ZNF827: variants seen among roughly 807,000 people sequenced by gnomAD.
ZNF827 encodes the protein zinc finger protein 827.
Under a neutral mutation model 102.4 loss-of-function variants are expected in ZNF827, and 13 were observed. The ratio of observed to expected loss-of-function variants is 0.13; its 90% CI spans 0.08 to 0.20. The LOEUF is 0.20. Ranked by LOEUF, ZNF827 falls within the 10% of genes least tolerant of loss-of-function variation. The pLI is 1.00. For synonymous variants in ZNF827, 523 were observed against 536.2 expected (o/e 0.98, Z 0.34); for missense variants, 1,103 against 1,344.4 (o/e 0.82, Z 2.81).
At chr4:145,786,545 A>C (rs1738895903) in intron 8 of ZNF827, among the ~76,000 whole-genome samples, 1 of 152,224 alleles carries the variant, frequency 6.6e-6, no homozygotes, top group Non-Finnish European at 1.5e-5. Context: ...GGCATACCTC[A>C]AACTGAAATT....
chr4:145,805,816 G>T (rs1008632570), intron 8 of ZNF827, among the ~76,000 whole-genome samples: 1 of 152,002 alleles, frequency 6.6e-6, no homozygotes, highest in African/African-American at 2.4e-5. Flanking sequence ...TGACGTCAGG[G>T]CCTTGTTGCT....
At chr4:145,882,488 A>G (rs551360473) in intron 4 of ZNF827, among the ~76,000 whole-genome samples, 3 of 152,270 alleles carry the variant, frequency 2.0e-5, no homozygotes, top group East Asian at 1.9e-4. Context: ...TTTCACAATC[A>G]TGCACGTTAA....
At chr4:145,911,490 A>G (rs1377258774) in intron 1 of ZNF827, among the ~76,000 whole-genome samples, 1 of 152,264 alleles carries the variant, frequency 6.6e-6, no homozygotes. Flanking sequence ...ACCAGAAAAC[A>G]GTACTAGACC....
At chr4:145,914,126 T>G (rs1752499776) in intron 1 of ZNF827, among the ~76,000 whole-genome samples, 1 of 151,726 alleles carries the variant, frequency 6.6e-6, no homozygotes. Context: ...GTAATAAACA[T>G]ATTATAGTCA....
intron 2 of ZNF827, among the ~76,000 whole-genome samples, chr4:145,895,525 A>T (rs1750911083): frequency 6.6e-6 from 1 of 152,242 alleles, no homozygotes; most frequent in South Asian, 2.1e-4. Flanking sequence ...AAATGTGGTC[A>T]AATAGCTACA....
chr4:145,814,606 TAACA>T (rs59852029), intron 8 of ZNF827, among the ~76,000 whole-genome samples: 73 of 148,000 alleles, frequency 4.9e-4, no homozygotes, highest in South Asian at 4.4e-4. Context: ...TCTCACCTCC[TAACA>T]AACAAACAAA....
At chr4:145,809,190 G>A (rs939320362) in intron 8 of ZNF827, among the ~76,000 whole-genome samples, 1 of 152,174 alleles carries the variant, frequency 6.6e-6, no homozygotes, top group Non-Finnish European at 1.5e-5. Context: ...AGAGAGAGTT[G>A]GTGTCAAGCA....
intron 8 of ZNF827, among the ~76,000 whole-genome samples, chr4:145,785,301 G>A (rs1014390738): frequency 3.9e-5 from 6 of 152,076 alleles, no homozygotes; most frequent in African/African-American, 1.4e-4. Flanking sequence ...GTTATTCAAG[G>A]GGACATGTCT....
At chr4:145,876,058 C>G (rs560641901) in intron 4 of ZNF827, among the ~76,000 whole-genome samples, 2 of 152,186 alleles carry the variant, frequency 1.3e-5, no homozygotes, top group Admixed American at 1.3e-4. Flanking sequence ...GTTTCTCCCC[C>G]TCTCATAGGA....
chr4:145,936,419 G>A (rs1754173370), intron 1 of ZNF827, among the ~76,000 whole-genome samples: 1 of 151,980 alleles, frequency 6.6e-6, no homozygotes, highest in South Asian at 2.1e-4. Flanking sequence ...CTAGCGGGCA[G>A]GCGAAGAAAG....
intron 8 of ZNF827, among the ~76,000 whole-genome samples, chr4:145,803,270 A>G (rs1741091710): frequency 6.6e-6 from 1 of 152,226 alleles, no homozygotes; most frequent in Admixed American, 6.5e-5. Context: ...AAGGATCTTA[A>G]AAGTCCAAGT....
intron 7 of ZNF827, 148 bp downstream of exon 7, chr4:145,845,808 C>A: frequency 1.4e-6 from 1 of 730,244 alleles, no homozygotes; most frequent in Non-Finnish European, 2.3e-6. Context: ...TTCTACCAAC[C>A]AAGAAATTCT....
intron 1 of ZNF827, among the ~76,000 whole-genome samples, chr4:145,903,651 C>T (rs1455551604): frequency 6.6e-6 from 1 of 152,206 alleles, no homozygotes; most frequent in Non-Finnish European, 1.5e-5. Flanking sequence ...GTGGGAAGCG[C>T]TTCCCTACTT....
At chr4:145,781,793 C>T (rs1352026263) in intron 8 of ZNF827, among the ~76,000 whole-genome samples, 1 of 152,112 alleles carries the variant, frequency 6.6e-6, no homozygotes, top group African/African-American at 2.4e-5. Context: ...CTTCAAAGAA[C>T]AATAACGGTA....
At chr4:145,772,581 ACTTTCAAGTTTCAACAG>A (rs1184128470) in intron 11 of ZNF827, among the ~76,000 whole-genome samples, 4 of 152,204 alleles carry the variant, frequency 2.6e-5, no homozygotes, top group Non-Finnish European at 5.9e-5. Context: ...GTCTACGACT[ACTTTCAAGTTTCAACAG>A]CCGAGTTGAG....
At chr4:145,905,508 A>G (rs1166140140) in intron 1 of ZNF827, among the ~76,000 whole-genome samples, 1 of 152,226 alleles carries the variant, frequency 6.6e-6, no homozygotes, top group African/African-American at 2.4e-5. Flanking sequence ...CTCTGTTAAA[A>G]ACAGTCTGGT....
chr4:145,827,519 C>T (rs1743811175), intron 7 of ZNF827, among the ~76,000 whole-genome samples: 1 of 152,206 alleles, frequency 6.6e-6, no homozygotes, highest in Admixed American at 6.5e-5. Context: ...CACTGCTGTA[C>T]CTACAGCTTC....
In ZNF827 at chr4:145,928,982, C is replaced by T. The variant is rs139488115; in HGVS notation, c.43+9383G>A. 1.0e-2 allele frequency among the ~76,000 whole-genome samples: 1,522 copies of T among 152,228 alleles called. 20 individuals are homozygous for T. Among genetic ancestry groups the T allele is most frequent in the African/African-American group, 0.035 (1,457 of 41,530 alleles). ...GCCATGTGGGGAGGTGGGCCCAGTGCGAGTGACTCTTCCAAGTTTTCAAAG... is the reference window on the plus strand; with the variant it reads ...GCCATGTGGGGAGGTGGGCCCAGTGTGAGTGACTCTTCCAAGTTTTCAAAG... On this transcript the variant is annotated intron_variant, in intron 1 of 14. Coordinates refer to ENST00000508784, the MANE Select transcript of ZNF827 (RefSeq NM_001306215.2).
intron 1 of ZNF827, among the ~76,000 whole-genome samples, chr4:145,908,891 A>G (rs1350060993): frequency 6.6e-6 from 1 of 152,230 alleles, no homozygotes; most frequent in Non-Finnish European, 1.5e-5. Context: ...AATGAACTCC[A>G]GAGGTGCAGG....
Sources: allele counts gnomAD v4.1 joint callset (sites outside exome capture counted in the v4.1 genomes callset), GRCh38; gene constraint gnomAD v4.1.1; transcripts MANE v1.5; gene names NCBI Gene and HGNC (gene_info 2026-07-23, HGNC 2026-07-21).